Variants in CNTN3 observed in about 807,000 individuals in gnomAD.
The protein encoded by CNTN3 is contactin-3.
In CNTN3, 60 loss-of-function variants were observed where a neutral mutation model predicts 119.1. That is an observed-to-expected ratio of 0.50 (90% CI 0.41 to 0.62). The LOEUF is 0.62. CNTN3 is among the 20% of genes least tolerant of loss of function. The pLI is 0.00. For synonymous variants in CNTN3, 450 were observed against 438.7 expected (o/e 1.03, Z -0.32); for missense variants, 1,101 against 1,242.4 (o/e 0.89, Z 1.71).
In CNTN3 at chr3:74,348,712, T is replaced by A. The variant is rs143364232; in HGVS notation, c.1365-12054A>T. Among the ~76,000 whole-genome samples, 302 of 152,272 alleles carry A rather than the reference T, an allele frequency of 2.0e-3. 1 individual carries two copies. Among genetic ancestry groups the A allele is most frequent in the Middle Eastern group, 3.4e-3 (1 of 294 alleles). ...GACACACTGAGCAAATACTGCCTTG[T>A]CAATCAATCTCTGCCGGAATGCCTG... On this transcript the variant is annotated intron_variant, in intron 11 of 22. Transcript: ENST00000263665.
intron 5 of CNTN3, among the ~76,000 whole-genome samples, chr3:74,400,675 A>T (rs912880766): frequency 6.6e-6 from 1 of 152,184 alleles, no homozygotes; most frequent in Non-Finnish European, 1.5e-5. Context: ...TTAGAGGGCT[A>T]TTTATGGATT....
At chr3:74,592,322 A>C (rs1432301896) in intron 1 of CNTN3, among the ~76,000 whole-genome samples, 11 of 151,908 alleles carry the variant, frequency 7.2e-5, no homozygotes, top group Non-Finnish European at 1.3e-4. Context: ...AGTGGAGTAA[A>C]GGAGTTTAAC....
intron 1 of CNTN3, among the ~76,000 whole-genome samples, chr3:74,542,446 A>T (rs1268836355): frequency 6.6e-6 from 1 of 152,148 alleles, no homozygotes; most frequent in South Asian, 2.1e-4. Context: ...AGTACTAGGG[A>T]GATTTTTCAA....
chr3:74,299,881 A>T lies in CNTN3; in HGVS notation c.2153T>A (p.Val718Glu). The T allele has an allele frequency of 6.2e-7, 1 of 1,606,972 alleles. No homozygotes were observed. The highest frequency in any genetic ancestry group is 8.5e-7 in the Non-Finnish European group (1 of 1,176,912). Reference protein sequence around the residue: ...NGGGGSRSELVITWDPVPEEL... With the variant: ...NGGGGSRSELEITWDPVPEEL... ...CCAAACACTTACATCCCAGGTTATC[A>T]CAAGTTCAGACCGGCTTCCGCCTCC... Residue 718 changes from valine (V) to glutamate (E), a missense_variant, in exon 17 of 23, where the codon GTG becomes GAG. By Grantham distance (121) the Val-to-Glu change is moderately radical (BLOSUM62 -2). Coordinates refer to ENST00000263665, the MANE Select transcript of CNTN3 (RefSeq NM_020872.3).
intron 1 of CNTN3, among the ~76,000 whole-genome samples, chr3:74,575,145 G>A (rs1486927063): frequency 6.6e-6 from 1 of 152,006 alleles, no homozygotes; most frequent in Non-Finnish European, 1.5e-5. Flanking sequence ...AGCTGGTCTT[G>A]AACTCCTGGG....
intron 1 of CNTN3, among the ~76,000 whole-genome samples, chr3:74,590,492 GAGCAACTCTGGGCAGTGCTC>G (rs1704682795): frequency 1.8e-5 from 2 of 110,142 alleles, no homozygotes; most frequent in African/African-American, 1.7e-4. Context: ...GCAGTGCTCA[GAGCAACTCTGGGCAGTGCTC>G]AGAGCAACAG....
chr3:74,568,838 A>G (rs1704265969), intron 1 of CNTN3, among the ~76,000 whole-genome samples: 1 of 152,202 alleles, frequency 6.6e-6, no homozygotes, highest in African/African-American at 2.4e-5. Flanking sequence ...GCTCTCTCGA[A>G]GGCCTCAGCC....
intron 1 of CNTN3, among the ~76,000 whole-genome samples, chr3:74,568,990 A>G (rs1158404513): frequency 3.3e-5 from 5 of 152,196 alleles, no homozygotes; most frequent in Non-Finnish European, 7.3e-5. Context: ...ATGGGTGGAT[A>G]AAGCTTACAG....
At chr3:74,483,081 A>G (rs1486822977) in intron 4 of CNTN3, among the ~76,000 whole-genome samples, 1 of 152,138 alleles carries the variant, frequency 6.6e-6, no homozygotes, top group African/African-American at 2.4e-5. Context: ...GTAACTTCCA[A>G]ATAAAACACT....
chr3:74,516,600 T>G (rs752726786), intron 2 of CNTN3, among the ~76,000 whole-genome samples: 1 of 150,664 alleles, frequency 6.6e-6, no homozygotes, highest in South Asian at 2.1e-4. Flanking sequence ...AGTTAAGTTT[T>G]GGGGGAGTTA....
intron 1 of CNTN3, among the ~76,000 whole-genome samples, chr3:74,547,552 C>G (rs911058448): frequency 2.0e-5 from 3 of 152,126 alleles, no homozygotes; most frequent in Admixed American, 1.3e-4. Context: ...TTTGCTATGA[C>G]CATCCTGAAT....
intron 4 of CNTN3, among the ~76,000 whole-genome samples, chr3:74,461,753 T>C (rs577183012): frequency 5.3e-5 from 8 of 152,244 alleles, no homozygotes; most frequent in South Asian, 4.1e-4. Context: ...ACTGGAATGA[T>C]AGACACTAGT....
At chr3:74,322,697 T>A (rs1025731216) in intron 13 of CNTN3, among the ~76,000 whole-genome samples, 6 of 152,196 alleles carry the variant, frequency 3.9e-5, no homozygotes, top group African/African-American at 1.2e-4. Flanking sequence ...CACACAGATG[T>A]ATATAGCAGC....
intron 1 of CNTN3, among the ~76,000 whole-genome samples, chr3:74,539,800 G>A (rs977929309): frequency 6.6e-6 from 1 of 152,138 alleles, no homozygotes; most frequent in Admixed American, 6.6e-5. Flanking sequence ...GAGGAAAAAA[G>A]AATGTGCAGT....
In CNTN3 at chr3:74,369,389, T is replaced by C; in HGVS notation, c.762-16A>G. 6.4e-7 allele frequency: 1 copy of C among 1,569,084 alleles called. No individual in the cohort carries two copies. Among genetic ancestry groups the C allele is most frequent in the Non-Finnish European group, 8.6e-7 (1 of 1,159,584 alleles). On this transcript the variant is annotated splice_polypyrimidine_tract_variant and intron_variant, in intron 7 of 22. Transcript: ENST00000263665. ...AGGTATGGGACTAAGAAGAAAATCG[T>C]CAAGTTGTCTGCTATTGTCTGGAAG... is the stretch of plus-strand genomic sequence containing the variant.
rs1704073929 is a variant in CNTN3 at position 74,556,579 on chromosome 3, G to A, written c.-80-35387C>T. Among the ~76,000 whole-genome samples, 23 of 152,038 alleles carry A rather than the reference G, an allele frequency of 1.5e-4. 1 individual carries two copies. The highest frequency in any genetic ancestry group is 1.5e-3 in the Admixed American group (23 of 15,238). ...AGAATTTTTCCTCTTTGGCTATTGT[G>A]AATAATGCTGCAATGAACATTTGTG... On this transcript the variant is annotated intron_variant, in intron 1 of 22. Transcript: ENST00000263665.
chr3:74,495,926 A>C (rs915354979), intron 3 of CNTN3, among the ~76,000 whole-genome samples: 6 of 152,072 alleles, frequency 3.9e-5, no homozygotes, highest in African/African-American at 1.4e-4. Context: ...AGAGAGAAAA[A>C]TGAAAGCATT....
chr3:74,563,648 C>T (rs1037814944), intron 1 of CNTN3, among the ~76,000 whole-genome samples: 1 of 152,086 alleles, frequency 6.6e-6, no homozygotes, highest in Non-Finnish European at 1.5e-5. Context: ...ATGACCTAGG[C>T]TCTGAAAAGG....
At chr3:74,592,840 T>A (rs1289521608) in intron 1 of CNTN3, among the ~76,000 whole-genome samples, 4 of 152,110 alleles carry the variant, frequency 2.6e-5, no homozygotes, top group African/African-American at 9.6e-5. Context: ...TTTTGTTGTG[T>A]AAACTCCCCA....
Sources: gnomAD v4.1 joint callset for allele counts (sites outside exome capture counted in the v4.1 genomes callset) on GRCh38, gnomAD v4.1.1 for gene constraint, MANE v1.5 for transcripts, NCBI Gene and HGNC (gene_info 2026-07-23, HGNC 2026-07-21) for gene names.